OR9Q1: variants seen among roughly 807,000 people sequenced by gnomAD.
OR9Q1 encodes olfactory receptor family 9 subfamily Q member 1, also known as olfactory receptor 9Q1.
For synonymous variants in OR9Q1, 153 were observed against 148.6 expected (o/e 1.03, Z -0.22); for missense variants, 374 against 378.8 (o/e 0.99, Z 0.11).
chr11:58,128,560 A>T (rs540393309), intron 2 of OR9Q1, among the ~76,000 whole-genome samples: 2 of 152,316 alleles, frequency 1.3e-5, no homozygotes, highest in South Asian at 4.1e-4. Flanking sequence ...CAAATGTCAG[A>T]TCTATCGCGT....
At chr11:58,061,347 C>G (rs1590564924) in intron 2 of OR9Q1, among the ~76,000 whole-genome samples, 2 of 152,032 alleles carry the variant, frequency 1.3e-5, no homozygotes, top group East Asian at 1.9e-4. Flanking sequence ...ATCATTATCA[C>G]TAATAGCAAT....
At chr11:58,029,000 C>T (rs1853002981) in intron 1 of OR9Q1, among the ~76,000 whole-genome samples, 2 of 152,162 alleles carry the variant, frequency 1.3e-5, no homozygotes, top group South Asian at 4.1e-4. Flanking sequence ...TCTTTTTCTC[C>T]AAAGGGTCAG....
chr11:58,130,769 T>G (rs1369960875), intron 2 of OR9Q1, among the ~76,000 whole-genome samples: 1 of 150,998 alleles, frequency 6.6e-6, no homozygotes, highest in African/African-American at 2.4e-5. Flanking sequence ...ATCACGCCAC[T>G]GCACCCCAGC....
At chr11:58,112,746 C>T (rs1049575445) in intron 2 of OR9Q1, among the ~76,000 whole-genome samples, 18 of 152,088 alleles carry the variant, frequency 1.2e-4, no homozygotes, top group African/African-American at 3.9e-4. Context: ...CAAGCTTATC[C>T]GTTAGTTTCT....
At chr11:58,037,434 G>A (rs988391927) in intron 1 of OR9Q1, among the ~76,000 whole-genome samples, 4 of 151,628 alleles carry the variant, frequency 2.6e-5, no homozygotes, top group African/African-American at 9.7e-5. Flanking sequence ...GACCTGAGTA[G>A]ATATGAACAC....
chr11:58,111,735 G>T (rs1853901088), intron 2 of OR9Q1, among the ~76,000 whole-genome samples: 1 of 152,054 alleles, frequency 6.6e-6, no homozygotes, highest in Non-Finnish European at 1.5e-5. Context: ...CATCTCTTCT[G>T]GACTTGTCCT....
chr11:58,137,211 T>A (rs2119857252), intron 2 of OR9Q1, among the ~76,000 whole-genome samples: 1 of 152,226 alleles, frequency 6.6e-6, no homozygotes, highest in African/African-American at 2.4e-5. Context: ...TAAAATAAAT[T>A]AAAAATGAGG....
chr11:58,162,787 C>G (rs1421124902), intron 2 of OR9Q1, among the ~76,000 whole-genome samples: 1 of 152,148 alleles, frequency 6.6e-6, no homozygotes, highest in Non-Finnish European at 1.5e-5. Context: ...ACCTTCATCC[C>G]TCCTACCCCA....
At position 58,179,444 on chromosome 11, in the gene OR9Q1, C is replaced by A; in HGVS notation, c.-1C>A. 6.4e-7 allele frequency: 1 copy of A among 1,553,258 alleles called. No homozygotes were observed. The highest frequency in any genetic ancestry group is 8.7e-7 in the Non-Finnish European group (1 of 1,148,428). On this transcript the variant is annotated 5_prime_UTR_variant, in exon 3 of 3. Transcript: ENST00000335397. Reference sequence around the variant, plus strand: ...TACATGTCTCAGGGACCACTGGTGTCATGGCAGAGATGAACCTCACCTTGG... The same window carrying A: ...TACATGTCTCAGGGACCACTGGTGTAATGGCAGAGATGAACCTCACCTTGG...
intron 2 of OR9Q1, among the ~76,000 whole-genome samples, chr11:58,162,201 A>G (rs1305889658): frequency 1.3e-5 from 2 of 152,252 alleles, no homozygotes; most frequent in Non-Finnish European, 2.9e-5. Flanking sequence ...ATTGTCATTC[A>G]TTACGAGTAA....
intron 2 of OR9Q1, among the ~76,000 whole-genome samples, chr11:58,153,507 G>A (rs920955328): frequency 6.6e-6 from 1 of 151,842 alleles, no homozygotes; most frequent in Admixed American, 6.6e-5. Flanking sequence ...CTCTATAGGA[G>A]CAATGACCTC....
intron 2 of OR9Q1, among the ~76,000 whole-genome samples, chr11:58,076,273 T>TA (rs1368220298): frequency 6.6e-6 from 1 of 152,226 alleles, no homozygotes. Context: ...GCATAGAGGT[T>TA]ATCTGCTCAT....
intron 2 of OR9Q1, among the ~76,000 whole-genome samples, chr11:58,080,275 G>A (rs1253157518): frequency 1.3e-5 from 2 of 152,084 alleles, no homozygotes; most frequent in Non-Finnish European, 2.9e-5. Context: ...AATTTGCTTA[G>A]GATCATGGCT....
chr11:58,175,321 C>T (rs776787525), intron 2 of OR9Q1, among the ~76,000 whole-genome samples: 5 of 151,890 alleles, frequency 3.3e-5, no homozygotes, highest in Non-Finnish European at 7.4e-5. Flanking sequence ...ACTCACTGTC[C>T]CTGGAGTATC....
intron 1 of OR9Q1, among the ~76,000 whole-genome samples, chr11:58,039,224 G>A (rs1358575345): frequency 6.6e-6 from 1 of 152,120 alleles, no homozygotes; most frequent in Non-Finnish European, 1.5e-5. Flanking sequence ...TGTGACCTCA[G>A]GTGATCCACC....
intron 2 of OR9Q1, among the ~76,000 whole-genome samples, chr11:58,132,960 C>T (rs1270812203): frequency 6.6e-6 from 1 of 152,152 alleles, no homozygotes; most frequent in East Asian, 1.9e-4. Context: ...TCCTATTAAT[C>T]CAGCTCCCCT....
At chr11:58,042,859 C>T (rs895053074) in intron 1 of OR9Q1, among the ~76,000 whole-genome samples, 1 of 152,102 alleles carries the variant, frequency 6.6e-6, no homozygotes, top group African/African-American at 2.4e-5. Flanking sequence ...AGAGGTCCTT[C>T]ACATCCCTTG....
chr11:58,123,657 G>A (rs1854058426), intron 2 of OR9Q1, among the ~76,000 whole-genome samples: 1 of 152,140 alleles, frequency 6.6e-6, no homozygotes, highest in African/African-American at 2.4e-5. Flanking sequence ...ACCTAGGAAG[G>A]AACAGAACAG....
At chr11:58,031,132 C>A in intron 1 of OR9Q1, 1 of 1,614,206 alleles carries the variant, frequency 6.2e-7, no homozygotes, top group Non-Finnish European at 8.5e-7. Context: ...TACGGAGACC[C>A]ATGTATTTCT....
Sources: allele counts gnomAD v4.1 joint callset (sites outside exome capture counted in the v4.1 genomes callset), GRCh38; gene constraint gnomAD v4.1.1; transcripts MANE v1.5; gene names NCBI Gene and HGNC (gene_info 2026-07-23, HGNC 2026-07-21).